The following TMEFF2 variants were observed in gnomAD, a reference collection of about 807,000 sequenced individuals.
TMEFF2 encodes the protein transmembrane protein with EGF like and two follistatin like domains 2, also known as tomoregulin-2.
A neutral mutation model predicts 53.8 loss-of-function variants in TMEFF2; 28 were observed. The observed-to-expected ratio is 0.52, with a 90% CI of 0.39 to 0.71. The LOEUF is 0.71. Among genes scored for constraint, TMEFF2 ranks in the 30% least tolerant of loss-of-function variants. The pLI, the probability that TMEFF2 is intolerant of heterozygous loss-of-function variation, is 0.00. For synonymous variants in TMEFF2, 162 were observed against 166.3 expected (o/e 0.97, Z 0.20); for missense variants, 353 against 455.2 (o/e 0.78, Z 2.04).
chr2:192,172,678 G>A (rs1690945212), intron 4 of TMEFF2, among the ~76,000 whole-genome samples: 2 of 152,004 alleles, frequency 1.3e-5, no homozygotes, highest in Admixed American at 6.6e-5. Flanking sequence ...CCCATGGACT[G>A]AGGTGTGTGA....
chr2:191,949,569 T>TAACTTGTTCAG lies in TMEFF2; in HGVS notation c.*731_*741dup, dbSNP rs1691806362. Reference sequence around the variant, plus strand: ...TGCCACTCTGTGTATACCTAGTATGTAACTTGTTCAGTAAGTTCAGATATA... The same window carrying TAACTTGTTCAG: ...TGCCACTCTGTGTATACCTAGTATGTAACTTGTTCAGAACTTGTTCAGTAAGTTCAGATATA... On this transcript the variant is annotated 3_prime_UTR_variant, in exon 10 of 10. Transcript: ENST00000272771. 1 of 985,302 alleles carries TAACTTGTTCAG rather than the reference T, an allele frequency of 1.0e-6. No homozygotes were observed. Among genetic ancestry groups the TAACTTGTTCAG allele is most frequent in the South Asian group, 4.7e-5 (1 of 21,298 alleles). The allele number at this position is 985,302 out of a possible 1,614,324, so 61.0% of individuals were successfully genotyped here.
chr2:192,023,185 G>A (rs1224709765), intron 5 of TMEFF2, among the ~76,000 whole-genome samples: 5 of 152,128 alleles, frequency 3.3e-5, no homozygotes, highest in South Asian at 2.1e-4. Context: ...GTTCAAAGCC[G>A]AGTGCCTAGG....
At chr2:192,129,338 ACT>A (rs1689754867) in intron 4 of TMEFF2, among the ~76,000 whole-genome samples, 2 of 150,976 alleles carry the variant, frequency 1.3e-5, no homozygotes, top group African/African-American at 2.4e-5. Flanking sequence ...AAAGCAGTAT[ACT>A]CTGACACATT....
intron 5 of TMEFF2, among the ~76,000 whole-genome samples, chr2:192,054,419 G>C (rs1267697275): frequency 6.6e-6 from 1 of 151,930 alleles, no homozygotes; most frequent in African/African-American, 2.4e-5. Context: ...CCTTCTCCTT[G>C]TCTCATTTGT....
intron 4 of TMEFF2, among the ~76,000 whole-genome samples, chr2:192,093,500 G>A (rs1306307649): frequency 2.0e-5 from 3 of 152,146 alleles, no homozygotes; most frequent in African/African-American, 4.8e-5. Context: ...TTTTTAAAAC[G>A]TAGCCATAAT....
intron 4 of TMEFF2, among the ~76,000 whole-genome samples, chr2:192,122,397 G>T (rs1423423116): frequency 2.0e-5 from 3 of 152,158 alleles, no homozygotes; most frequent in Non-Finnish European, 4.4e-5. Context: ...TTTAGACTCT[G>T]CCAATGTAGA....
chr2:192,164,183 C>T (rs1250675217), intron 4 of TMEFF2, among the ~76,000 whole-genome samples: 1 of 152,044 alleles, frequency 6.6e-6, no homozygotes, highest in Non-Finnish European at 1.5e-5. Flanking sequence ...AATTCCTTAC[C>T]ACTTCCCTAC....
intron 5 of TMEFF2, among the ~76,000 whole-genome samples, chr2:192,026,443 C>T (rs1311318208): frequency 6.6e-6 from 1 of 152,142 alleles, no homozygotes; most frequent in Non-Finnish European, 1.5e-5. Flanking sequence ...CCTTTATGTG[C>T]CCTTTCACAA....
chr2:192,156,737 T>C (rs2106006451), intron 4 of TMEFF2, among the ~76,000 whole-genome samples: 1 of 152,126 alleles, frequency 6.6e-6, no homozygotes, highest in Non-Finnish European at 1.5e-5. Flanking sequence ...TATAAAATAA[T>C]CACACTTAAA....
chr2:192,190,000 C>A (rs1237087123), intron 2 of TMEFF2, among the ~76,000 whole-genome samples: 1 of 152,170 alleles, frequency 6.6e-6, no homozygotes, highest in Non-Finnish European at 1.5e-5. Context: ...GACTTGCATT[C>A]GTTTCCACTC....
chr2:192,168,075 C>T (rs1690814620), intron 4 of TMEFF2, among the ~76,000 whole-genome samples: 1 of 152,024 alleles, frequency 6.6e-6, no homozygotes, highest in African/African-American at 2.4e-5. Flanking sequence ...ATCATTTGAT[C>T]TAGAATCCCC....
intron 5 of TMEFF2, among the ~76,000 whole-genome samples, chr2:192,045,914 G>A (rs551868446): frequency 6.6e-6 from 1 of 152,260 alleles, no homozygotes; most frequent in South Asian, 2.1e-4. Context: ...ACCATCCATG[G>A]ACTTACGGAA....
intron 5 of TMEFF2, among the ~76,000 whole-genome samples, chr2:192,001,515 G>T: frequency 6.6e-6 from 1 of 152,034 alleles, no homozygotes; most frequent in Non-Finnish European, 1.5e-5. Context: ...ATGACAAAAT[G>T]GTGCAAAGGG....
intron 5 of TMEFF2, among the ~76,000 whole-genome samples, chr2:192,029,948 G>A (rs1687086670): frequency 6.6e-6 from 1 of 152,144 alleles, no homozygotes; most frequent in Admixed American, 6.5e-5. Flanking sequence ...ATCTGTTGAA[G>A]AGCACATATC....
chr2:192,076,424 A>G (rs1213499871), intron 4 of TMEFF2, among the ~76,000 whole-genome samples: 1 of 152,124 alleles, frequency 6.6e-6, no homozygotes, highest in Non-Finnish European at 1.5e-5. Flanking sequence ...ATGCCATGAG[A>G]GAATCGAAGT....
At chr2:192,154,599 C>T (rs1690463418) in intron 4 of TMEFF2, among the ~76,000 whole-genome samples, 1 of 151,932 alleles carries the variant, frequency 6.6e-6, no homozygotes, top group African/African-American at 2.4e-5. Flanking sequence ...TTTGGGATAA[C>T]ACATAAAGTA....
intron 4 of TMEFF2, among the ~76,000 whole-genome samples, chr2:192,134,714 C>G (rs1305394475): frequency 6.6e-6 from 1 of 152,178 alleles, no homozygotes; most frequent in East Asian, 1.9e-4. Context: ...TAGACACTTT[C>G]ACTAGATAAG....
intron 5 of TMEFF2, chr2:192,034,642 C>T (rs1230033740): frequency 6.6e-6 from 1 of 152,158 alleles, no homozygotes; most frequent in Admixed American, 6.5e-5. Context: ...TGTTGTCCTA[C>T]TTTATAATTT....
rs1478780374 is a variant in TMEFF2 at position 192,010,535 on chromosome 2, C to T, written c.537-11327G>A. ...CTATTACTGCCACTTTTTTTTCCCC[C>T]CACTGAGGCATATACCTTTTAGTTT... is the stretch of plus-strand genomic sequence containing the variant. On this transcript the variant is annotated intron_variant, in intron 5 of 9. Coordinates refer to ENST00000272771, the MANE Select transcript of TMEFF2 (RefSeq NM_016192.4). Among the ~76,000 whole-genome samples, 5 of 151,958 alleles carry T rather than the reference C, an allele frequency of 3.3e-5. 1 individual carries two copies. The highest frequency in any genetic ancestry group is 1.2e-4 in the African/African-American group (5 of 41,366).
Sources: allele counts gnomAD v4.1 joint callset (sites outside exome capture counted in the v4.1 genomes callset), GRCh38; gene constraint gnomAD v4.1.1; transcripts MANE v1.5; gene names NCBI Gene and HGNC (gene_info 2026-07-23, HGNC 2026-07-21).